The following ATP7A variants were observed in gnomAD, a reference collection of about 807,000 sequenced individuals.
ATP7A encodes copper-transporting ATPase 1.
In ATP7A, 7 loss-of-function variants were observed where a neutral mutation model predicts 83.5. That is an observed-to-expected ratio of 0.08 (90% CI 0.05 to 0.16). ATP7A has a LOEUF of 0.16. Among genes scored for constraint, ATP7A ranks in the 10% least tolerant of loss-of-function variants. The probability of loss-of-function intolerance (pLI) is 1.00; values close to 1 mark genes in which losing one functional copy is unlikely to be tolerated. For missense variants in ATP7A, 940 were observed against 1,120.8 expected, an observed-to-expected ratio of 0.84 and a Z score of 2.30; for synonymous variants, 354 against 395.2, an observed-to-expected ratio of 0.90 and a Z score of 1.24.
At chrX:78,042,854 A>G in intron 20 of ATP7A, 66 bp downstream of exon 20, 1 of 1,079,061 alleles carries the variant, frequency 9.3e-7, no homozygotes, top group Non-Finnish European at 1.3e-6. Flanking sequence ...ATAATGTCAT[A>G]AAGTATATTG....
chrX:78,025,504 C>T (rs1323014103), intron 14 of ATP7A, among the ~76,000 whole-genome samples: 4 of 110,858 alleles, frequency 3.6e-5, no homozygotes, highest in Admixed American at 1.9e-4. Flanking sequence ...ATATGCAAGA[C>T]GAGGTAGCCA....
chrX:78,019,440 G>GTTTC (rs1253709718), intron 12 of ATP7A, among the ~76,000 whole-genome samples: 1 of 111,625 alleles, frequency 9.0e-6, no homozygotes, highest in Non-Finnish European at 1.9e-5. Context: ...AGGACTGTGT[G>GTTTC]TTTCTTTCTT....
At chrX:77,967,531 G>T (rs534558858) in intron 1 of ATP7A, among the ~76,000 whole-genome samples, 2 of 111,708 alleles carry the variant, frequency 1.8e-5, no homozygotes, top group East Asian at 5.6e-4. Context: ...TCATATGTTT[G>T]TTGGCCGCAT....
chrX:77,957,587 C>T (rs1557227552), intron 1 of ATP7A, among the ~76,000 whole-genome samples: 1 of 109,493 alleles, frequency 9.1e-6, no homozygotes, highest in African/African-American at 3.3e-5. Context: ...TGTAGATTGT[C>T]TCTTTACTTT....
chrX:77,933,911 T>C (rs1471913217), intron 1 of ATP7A, among the ~76,000 whole-genome samples: 2 of 112,005 alleles, frequency 1.8e-5, no homozygotes, highest in Non-Finnish European at 3.8e-5. Context: ...GTGTTCAGGG[T>C]AGCAAGCAGT....
intron 14 of ATP7A, among the ~76,000 whole-genome samples, chrX:78,023,644 A>C: frequency 9.0e-6 from 1 of 110,744 alleles, no homozygotes; most frequent in Non-Finnish European, 1.9e-5. Context: ...CCACTTTTAA[A>C]TAGGGTTGTT....
intron 2 of ATP7A, among the ~76,000 whole-genome samples, chrX:77,972,647 G>T (rs1326300097): frequency 9.0e-6 from 1 of 111,288 alleles, no homozygotes; most frequent in African/African-American, 3.3e-5. Context: ...CACTGTGCCC[G>T]GCTGCATGCC....
intron 1 of ATP7A, among the ~76,000 whole-genome samples, chrX:77,958,349 G>C (rs1416341700): frequency 1.8e-5 from 2 of 111,456 alleles, no homozygotes; most frequent in African/African-American, 3.3e-5. Context: ...TTTCCTTATA[G>C]TGATGCAAAA....
intron 1 of ATP7A, among the ~76,000 whole-genome samples, chrX:77,936,026 G>A (rs1268863743): frequency 8.9e-6 from 1 of 112,535 alleles, no homozygotes; most frequent in East Asian, 2.8e-4. Context: ...TTGTCTGGTG[G>A]CTTACGCTAA....
chrX:77,932,333 T>C (rs2077290747), intron 1 of ATP7A, among the ~76,000 whole-genome samples: 1 of 103,462 alleles, frequency 9.7e-6, no homozygotes, highest in Admixed American at 1.0e-4. Flanking sequence ...CGCTCCTCAC[T>C]TCCTAGATGG....
intron 18 of ATP7A, among the ~76,000 whole-genome samples, 167 bp from the exon 19 acceptor site, chrX:78,040,424 G>C (rs1557238228): frequency 8.9e-6 from 1 of 111,919 alleles, no homozygotes; most frequent in African/African-American, 3.2e-5. Context: ...GCTTGTTACA[G>C]AGTTTGTAGT....
rs782448074 is a variant in ATP7A at position 77,930,312 on chromosome X, G to A, written c.-22+19477G>A. 1.3e-4 allele frequency among the ~76,000 whole-genome samples: 15 copies of A among 111,938 alleles called. No homozygotes were observed. The East Asian group carries it at 4.2e-3, about 31-fold the overall frequency. On this transcript the variant is annotated intron_variant, in intron 1 of 22. Transcript: ENST00000341514. The stretch of plus-strand genomic sequence containing the variant: ...GAAAGGCTCTGAGCTCCTGGACAGT[G>A]GGGTAGAGTGGAGGATACTAAAGCA...
Position 77,937,888 on chromosome X carries a change from CACACACACACACACACACACACAT to C in ATP7A, c.-22+27070_-22+27093del, listed in dbSNP as rs1172495055. On this transcript the variant is annotated intron_variant, in intron 1 of 22. Coordinates refer to ENST00000341514, the MANE Select transcript of ATP7A (RefSeq NM_000052.7). The stretch of plus-strand genomic sequence containing the variant: ...TGGTTCTCTCTCTCTCTCTCTCTCT[CACACACACACACACACACACACAT>C]ACACACACACACACACCCCACTACC... Among the ~76,000 whole-genome samples the C allele has an allele frequency of 1.9e-4, 18 of 93,879 alleles. No homozygotes were observed. The Middle Eastern group carries it at 0.016, about 81-fold the overall frequency. 81.5% of individuals were successfully genotyped at this position (93,879 alleles called of 115,157 possible).
chrX:78,033,706 G>A lies in ATP7A; in HGVS notation c.3396G>A (p.Lys1132=). 1 of 1,209,339 alleles carries A rather than the reference G, an allele frequency of 8.3e-7. No homozygotes were observed. Among genetic ancestry groups the A allele is most frequent in the Non-Finnish European group, 1.1e-6 (1 of 893,846 alleles). The change falls in exon 17 of 23, where the codon AAG becomes AAA. Residue 1132 remains lysine (K), a synonymous_variant. Coordinates refer to ENST00000341514, the MANE Select transcript of ATP7A (RefSeq NM_000052.7). ...CCAATATTGAAGGCTTGCTACATAA[G>A]AATAACTGGAATATAGAGGACAATA... ...KVTNIEGLLH[K]NNWNIEDNNI... is the part of the protein sequence containing the mutation.
At chrX:77,984,259 GTA>G (rs1376307203) in intron 2 of ATP7A, among the ~76,000 whole-genome samples, 1 of 110,526 alleles carries the variant, frequency 9.0e-6, no homozygotes, top group Non-Finnish European at 1.9e-5. Context: ...GCTCATCACT[GTA>G]TCTCTAGCAG....
rs782290135 is a variant in ATP7A, at chrX:77,969,358, C to A, written c.-21-2263C>A. On this transcript the variant is annotated intron_variant, in intron 1 of 22. Transcript: ENST00000341514. ...TTCTGCTTTATTGAGACCGGTTAGACCCCCATAGTGCCGCTCATTGAGGCG... is the reference window on the plus strand; with the variant it reads ...TTCTGCTTTATTGAGACCGGTTAGAACCCCATAGTGCCGCTCATTGAGGCG... 229 of 1,208,752 alleles carry A rather than the reference C, an allele frequency of 1.9e-4. No individual in the cohort carries two copies. Among genetic ancestry groups the A allele is most frequent in the Admixed American group, 2.8e-4 (13 of 45,804 alleles).
In ATP7A at chrX:77,971,758, T is replaced by A; in HGVS notation, c.117T>A (p.Ile39=). The part of the protein sequence containing the change: ...QIGKVNGVHH[I]KVSLEEKNAT... ...GAAAAGTGAATGGTGTGCATCACAT[T>A]AAGGTAAGTTACTCTTTGGAAACTG... Residue 39 remains isoleucine, a synonymous_variant, in exon 2 of 23, where the codon ATT becomes ATA. Coordinates refer to ENST00000341514, the MANE Select transcript of ATP7A (RefSeq NM_000052.7). The A allele has an allele frequency of 3.3e-6, 4 of 1,211,038 alleles. No individual in the cohort carries two copies. In the South Asian group the frequency reaches 7.0e-5, roughly 21 times the overall value.
intron 3 of ATP7A, 104 bp from the exon 4 acceptor site, chrX:77,989,129 A>T (rs1182768302): frequency 2.2e-6 from 2 of 924,303 alleles, no homozygotes; most frequent in Non-Finnish European, 3.0e-6. Flanking sequence ...GATGACAAGA[A>T]TGAGAGAGAA....
intron 14 of ATP7A, among the ~76,000 whole-genome samples, chrX:78,021,721 A>C (rs2077906940): frequency 9.0e-6 from 1 of 111,461 alleles, no homozygotes; most frequent in Non-Finnish European, 1.9e-5. Flanking sequence ...AATAGGGAAA[A>C]TAGTACCTAA....
Sources: allele counts gnomAD v4.1 joint callset (sites outside exome capture counted in the v4.1 genomes callset), GRCh38; gene constraint gnomAD v4.1.1; transcripts MANE v1.5; gene names NCBI Gene and HGNC (gene_info 2026-07-23, HGNC 2026-07-21).